Variants in PLCB1 observed in about 807,000 individuals in gnomAD.
PLCB1 encodes phospholipase C beta 1.
A neutral mutation model predicts 161.8 loss-of-function variants in PLCB1; 46 were observed. That is an observed-to-expected ratio of 0.28 (90% CI 0.22 to 0.36). The LOEUF (loss-of-function observed/expected upper bound fraction) is 0.36. Among genes scored for constraint, PLCB1 ranks in the 10% least tolerant of loss-of-function variants. The probability of loss-of-function intolerance (pLI) is 1.00; values close to 1 mark genes in which losing one functional copy is unlikely to be tolerated. For synonymous variants in PLCB1, 517 were observed against 503.7 expected (o/e 1.03, Z -0.35); for missense variants, 1,016 against 1,472.5 (o/e 0.69, Z 5.07).
chr20:8,386,363 TC>T (rs1987426261), intron 3 of PLCB1, among the ~76,000 whole-genome samples: 1 of 152,208 alleles, frequency 6.6e-6, no homozygotes, highest in East Asian at 1.9e-4. Flanking sequence ...AACATTAATC[TC>T]CTTGTATATC....
At chr20:8,681,444 G>GT (rs1472052618) in intron 9 of PLCB1, among the ~76,000 whole-genome samples, 1 of 152,022 alleles carries the variant, frequency 6.6e-6, no homozygotes, top group Admixed American at 6.6e-5. Context: ...CTATGTTGTT[G>GT]TTTTTTCTTG....
intron 27 of PLCB1, among the ~76,000 whole-genome samples, chr20:8,777,801 A>G (rs1458509546): frequency 1.3e-5 from 2 of 152,100 alleles, no homozygotes; most frequent in Non-Finnish European, 2.9e-5. Context: ...AGACTGGGCA[A>G]TATGAAGGAG....
chr20:8,698,679 A>G (rs1990634601), intron 11 of PLCB1, among the ~76,000 whole-genome samples: 1 of 152,192 alleles, frequency 6.6e-6, no homozygotes, highest in South Asian at 2.1e-4. Flanking sequence ...GAGGACTTAC[A>G]GGACTTGGGC....
chr20:8,325,721 C>T (rs924452556), intron 2 of PLCB1, among the ~76,000 whole-genome samples: 5 of 152,136 alleles, frequency 3.3e-5, no homozygotes, highest in Admixed American at 2.6e-4. Flanking sequence ...CCTTAGAGTC[C>T]ATGCTTTTGT....
At chr20:8,517,997 C>G (rs1027604550) in intron 3 of PLCB1, among the ~76,000 whole-genome samples, 2 of 152,054 alleles carry the variant, frequency 1.3e-5, no homozygotes, top group Non-Finnish European at 2.9e-5. Context: ...TCCTGGCCAA[C>G]ATGGTGAAAC....
chr20:8,537,087 G>A (rs1985082025), intron 3 of PLCB1, among the ~76,000 whole-genome samples: 2 of 152,130 alleles, frequency 1.3e-5, no homozygotes, highest in Admixed American at 1.3e-4. Context: ...CTCAATTCTT[G>A]CTTCCTCAGA....
chr20:8,677,928 G>T (rs1415529400), intron 9 of PLCB1, among the ~76,000 whole-genome samples: 3 of 152,180 alleles, frequency 2.0e-5, no homozygotes, highest in East Asian at 3.9e-4. Flanking sequence ...GGAAGACATG[G>T]CATAAATAAA....
intron 2 of PLCB1, among the ~76,000 whole-genome samples, chr20:8,323,479 C>A (rs879776672): frequency 2.0e-5 from 3 of 152,140 alleles, no homozygotes; most frequent in Non-Finnish European, 4.4e-5. Context: ...GTTGTCTTGT[C>A]TAGGGAGACC....
At chr20:8,768,432 C>G (rs1022602406) in intron 26 of PLCB1, among the ~76,000 whole-genome samples, 2 of 152,134 alleles carry the variant, frequency 1.3e-5, no homozygotes, top group Non-Finnish European at 2.9e-5. Context: ...CAGGTCCACC[C>G]TAATCCACCA....
chr20:8,678,400 GTAT>G (rs1197994447), intron 9 of PLCB1, among the ~76,000 whole-genome samples: 1 of 152,032 alleles, frequency 6.6e-6, no homozygotes, highest in Non-Finnish European at 1.5e-5. Flanking sequence ...CAATACATGC[GTAT>G]TATTTTGAGA....
In PLCB1 at chr20:8,382,956, T is replaced by C. The variant is rs1161852795; in HGVS notation, c.246+11506T>C. On this transcript the variant is annotated intron_variant, in intron 3 of 31. Transcript: ENST00000338037. ...CTGAGGAGTGTTTTACTTCCAATTA[T>C]GTAGTTGATTTTAGAGTAAATGCCA... Among the ~76,000 whole-genome samples, 8 of 152,334 alleles carry C rather than the reference T, an allele frequency of 5.3e-5. 1 individual carries two copies. The East Asian group carries it at 1.5e-3, about 29-fold the overall frequency.
intron 9 of PLCB1, among the ~76,000 whole-genome samples, chr20:8,669,986 G>A (rs1989905377): frequency 6.6e-6 from 1 of 152,150 alleles, no homozygotes; most frequent in Admixed American, 6.5e-5. Flanking sequence ...ATTACGGTCA[G>A]GAACCACTGT....
chr20:8,563,876 C>A (rs1010110438), intron 3 of PLCB1, among the ~76,000 whole-genome samples: 1 of 152,136 alleles, frequency 6.6e-6, no homozygotes, highest in Admixed American at 6.6e-5. Context: ...ACATCCCATG[C>A]TCATGGATAG....
At chr20:8,603,467 G>A (rs993629155) in intron 3 of PLCB1, among the ~76,000 whole-genome samples, 2 of 152,162 alleles carry the variant, frequency 1.3e-5, no homozygotes, top group Non-Finnish European at 2.9e-5. Context: ...GGCTCCAAAT[G>A]GGCCACTGCT....
chr20:8,375,393 C>T (rs1987040146), intron 3 of PLCB1, among the ~76,000 whole-genome samples: 1 of 152,130 alleles, frequency 6.6e-6, no homozygotes, highest in African/African-American at 2.4e-5. Context: ...TTAGTAGTTC[C>T]TGACCCATCA....
In PLCB1 at chr20:8,561,542, C is replaced by T. The variant is rs192043684; in HGVS notation, c.247-66752C>T. Among the ~76,000 whole-genome samples, 1,223 of 151,992 alleles carry T rather than the reference C, an allele frequency of 8.0e-3. 9 individuals carry two copies. Among genetic ancestry groups the T allele is most frequent in the Middle Eastern group, 0.017 (5 of 294 alleles). On this transcript the variant is annotated intron_variant, in intron 3 of 31. Coordinates refer to ENST00000338037, the MANE Select transcript of PLCB1 (RefSeq NM_015192.4). ...GTTCAAGCGTCTCTTTCTATTCTGT[C>T]TTGATACATTGCATTGAAAGAACTG...
At chr20:8,466,180 T>C (rs1411386532) in intron 3 of PLCB1, among the ~76,000 whole-genome samples, 1 of 151,910 alleles carries the variant, frequency 6.6e-6, no homozygotes, top group Non-Finnish European at 1.5e-5. Context: ...TGTGGGGACA[T>C]GGATGCAATT....
In PLCB1 at chr20:8,717,652, T is replaced by A. The variant is rs765872972; in HGVS notation, c.1336-19T>A. The A allele has an allele frequency of 1.9e-6, 3 of 1,587,730 alleles. No individual in the cohort carries two copies. In the African/African-American group the frequency reaches 4.1e-5, roughly 22 times the overall value. ...GAGGGAGCAGTATTTTTAAAGAATA[T>A]GCCTTTCATTTCTATTAGCTGGAAT... On this transcript the variant is annotated intron_variant, in intron 13 of 31. Coordinates refer to ENST00000338037, the MANE Select transcript of PLCB1 (RefSeq NM_015192.4).
intron 2 of PLCB1, among the ~76,000 whole-genome samples, chr20:8,275,666 A>C (rs1054012240): frequency 2.6e-5 from 4 of 152,134 alleles, no homozygotes; most frequent in Non-Finnish European, 5.9e-5. Context: ...CCCATGTTTA[A>C]ATGTATTCTG....
Sources: allele counts gnomAD v4.1 joint callset (sites outside exome capture counted in the v4.1 genomes callset), GRCh38; gene constraint gnomAD v4.1.1; transcripts MANE v1.5; gene names NCBI Gene and HGNC (gene_info 2026-07-23, HGNC 2026-07-21).